The following DYNC2H1 variants were observed in gnomAD, a reference collection of about 807,000 sequenced individuals.
The protein encoded by DYNC2H1 is dynein cytoplasmic 2 heavy chain 1, also known as cytoplasmic dynein 2 heavy chain 1.
Under a neutral mutation model 570.0 loss-of-function variants are expected in DYNC2H1, and 410 were observed. That is an observed-to-expected ratio of 0.72 (90% CI 0.66 to 0.78). The LOEUF (loss-of-function observed/expected upper bound fraction) is 0.78. DYNC2H1 is among the 30% of genes least tolerant of loss of function. DYNC2H1 has a pLI of 0.00. For missense variants in DYNC2H1, 4,865 were observed against 5,046.4 expected, an observed-to-expected ratio of 0.96 and a Z score of 1.09; for synonymous variants, 1,688 against 1,677.6, an observed-to-expected ratio of 1.01 and a Z score of -0.15.
rs1864563697 is a variant in DYNC2H1 at position 103,245,126 on chromosome 11, T to C, written c.9919-125T>C. ...ATTAATACTTGGGTGAGTAATTTAT[T>C]ACCTATAGAATCTGAAATTGTGTTT... is the stretch of plus-strand genomic sequence containing the variant. On this transcript the variant is annotated intron_variant, in intron 64 of 88. Coordinates refer to ENST00000375735, the MANE Select transcript of DYNC2H1 (RefSeq NM_001377.3). The surrounding 1 kb of genome is among the most constrained non-coding windows in gnomAD (Gnocchi z 4.5). 6.4e-6 allele frequency: 5 copies of C among 781,904 alleles called. No individual in the cohort carries two copies. Among genetic ancestry groups the C allele is most frequent in the Non-Finnish European group, 9.5e-6 (5 of 525,052 alleles). 48.4% of individuals were successfully genotyped at this position (781,904 alleles called of 1,614,324 possible). A position where few individuals can be genotyped will look rare whatever the true frequency, so the allele number is the denominator to read the frequency against.
intron 83 of DYNC2H1, among the ~76,000 whole-genome samples, chr11:103,387,045 T>C (rs1941914879): frequency 6.6e-6 from 1 of 152,132 alleles, no homozygotes; most frequent in Non-Finnish European, 1.5e-5. Context: ...CAAATGGTAT[T>C]TCTAGTTCTA....
chr11:103,113,844 T>C, intron 2 of DYNC2H1, 137 bp downstream of exon 2: 2 of 881,372 alleles, frequency 2.3e-6, no homozygotes, highest in Non-Finnish European at 3.1e-6. Context: ...TAACTTTTTT[T>C]AACTTAAATT....
chr11:103,425,874 T>C (rs1260987354), intron 84 of DYNC2H1, among the ~76,000 whole-genome samples: 1 of 151,990 alleles, frequency 6.6e-6, no homozygotes, highest in Non-Finnish European at 1.5e-5. Context: ...AATTTCATTA[T>C]ATACATAATT....
chr11:103,206,646 T>C (rs1359855171), intron 52 of DYNC2H1, among the ~76,000 whole-genome samples: 3 of 152,042 alleles, frequency 2.0e-5, no homozygotes, highest in Non-Finnish European at 4.4e-5. Context: ...CATTATATTT[T>C]AAAAACCAAA....
At chr11:103,144,348 T>C (rs1377928767) in intron 18 of DYNC2H1, among the ~76,000 whole-genome samples, 2 of 152,196 alleles carry the variant, frequency 1.3e-5, no homozygotes, top group Non-Finnish European at 2.9e-5. Flanking sequence ...TAAATGTTAG[T>C]TACTTTTAAT....
chr11:103,263,833 C>G (rs1865407530), intron 70 of DYNC2H1, among the ~76,000 whole-genome samples: 2 of 151,974 alleles, frequency 1.3e-5, no homozygotes, highest in African/African-American at 4.8e-5. Context: ...CATTCAAAAG[C>G]TAGCAGAAGA....
chr11:103,143,419 T>G, intron 18 of DYNC2H1, 24 bp downstream of exon 18: 1 of 1,567,214 alleles, frequency 6.4e-7, no homozygotes, highest in Non-Finnish European at 8.6e-7. Context: ...ATGTAGTACT[T>G]ACGTACCATA....
At chr11:103,132,283 C>A (rs975959387) in intron 13 of DYNC2H1, among the ~76,000 whole-genome samples, 2 of 152,116 alleles carry the variant, frequency 1.3e-5, no homozygotes, top group African/African-American at 2.4e-5. Context: ...TTGAGTCCAT[C>A]CAGCCAGTTT....
At chr11:103,155,669 GATATGTTACAC>G (rs1860784021) in intron 25 of DYNC2H1, among the ~76,000 whole-genome samples, 168 bp downstream of exon 25, 1 of 152,062 alleles carries the variant, frequency 6.6e-6, no homozygotes, top group Non-Finnish European at 1.5e-5. Context: ...AAAATTATGT[GATATGTTACAC>G]ATAAAAGCTA....
chr11:103,235,333 C>T (rs1218547753), intron 61 of DYNC2H1, among the ~76,000 whole-genome samples: 1 of 151,642 alleles, frequency 6.6e-6, no homozygotes, highest in Non-Finnish European at 1.5e-5. Flanking sequence ...TTGTTTTGTC[C>T]CTTTGTTCAT....
intron 15 of DYNC2H1, among the ~76,000 whole-genome samples, chr11:103,134,808 T>A (rs1331758389): frequency 6.6e-6 from 1 of 152,100 alleles, no homozygotes; most frequent in Non-Finnish European, 1.5e-5. Flanking sequence ...TTTTTCCTTT[T>A]TGGAGGTAAA....
At chr11:103,143,476 T>C (rs1860075108) in intron 18 of DYNC2H1, 81 bp downstream of exon 18, 2 of 1,373,146 alleles carry the variant, frequency 1.5e-6, no homozygotes, top group Admixed American at 2.9e-5. Context: ...CTTAGTGGCA[T>C]TGAAGTCACA....
At chr11:103,242,717 CACTGGTTTCTA>C (rs1198739926) in intron 63 of DYNC2H1, among the ~76,000 whole-genome samples, 1 of 151,996 alleles carries the variant, frequency 6.6e-6, no homozygotes, top group Non-Finnish European at 1.5e-5. Flanking sequence ...AGGGCATTTT[CACTGGTTTCTA>C]ACTCCCTTTT....
chr11:103,166,712 TA>T (rs1861318967), intron 31 of DYNC2H1, among the ~76,000 whole-genome samples: 1 of 152,160 alleles, frequency 6.6e-6, no homozygotes, highest in Admixed American at 6.5e-5. Context: ...CTTCTATAAG[TA>T]ATACATTACT....
At chr11:103,459,012 CTTA>C (rs1944897848) in intron 87 of DYNC2H1, among the ~76,000 whole-genome samples, 2 of 151,598 alleles carry the variant, frequency 1.3e-5, no homozygotes, top group African/African-American at 4.8e-5. Context: ...ATACAACTAA[CTTA>C]TTAGAAATTC....
Position 103,399,852 on chromosome 11 carries a change from A to G in DYNC2H1, c.12346A>G (p.Ser4116Gly), listed in dbSNP as rs1468693570. The change falls in exon 84 of 89, where the codon AGT becomes GGT. Residue 4116 changes from serine to glycine, a missense_variant. Ser to Gly is a moderately conservative substitution (Grantham distance 56). Coordinates refer to ENST00000375735, the MANE Select transcript of DYNC2H1 (RefSeq NM_001377.3). ...GAGTTCAGAAGTACAAAAATTGGCA[A>G]GTGCTTTATTAAACCAAAAGGTAAG... The part of the protein sequence containing the change: ...LLSSEVQKLA[S>G]ALLNQKCPLA... 1.2e-6 allele frequency: 2 copies of G among 1,613,742 alleles called. No homozygotes were observed. Among genetic ancestry groups the G allele is most frequent in the Non-Finnish European group, 8.5e-7 (1 of 1,179,784 alleles).
chr11:103,237,475 G>A (rs138880634), intron 63 of DYNC2H1, among the ~76,000 whole-genome samples: 5 of 151,918 alleles, frequency 3.3e-5, no homozygotes, highest in African/African-American at 1.2e-4. Flanking sequence ...GTAACTTACC[G>A]GTAGAGAAGT....
rs560687010 is a variant in DYNC2H1, at chr11:103,182,185, G to C, written c.6477+299G>C. On this transcript the variant is annotated intron_variant, in intron 40 of 88. Coordinates refer to ENST00000375735, the MANE Select transcript of DYNC2H1 (RefSeq NM_001377.3). ...AATTTTTACTAGCAAAAACCATCTT[G>C]CTGCCACTTTTTACTGATATGCCAG... 3.3e-5 allele frequency among the ~76,000 whole-genome samples: 5 copies of C among 150,864 alleles called. No homozygotes were observed. The South Asian group carries it at 1.0e-3, about 31-fold the overall frequency.
intron 20 of DYNC2H1, among the ~76,000 whole-genome samples, chr11:103,149,934 TAAG>T (rs1565344221): frequency 6.6e-6 from 1 of 152,124 alleles, no homozygotes; most frequent in Non-Finnish European, 1.5e-5. Flanking sequence ...ATCTGAAAGA[TAAG>T]AAAGAGCCAG....
Sources: allele counts gnomAD v4.1 joint callset (sites outside exome capture counted in the v4.1 genomes callset), GRCh38; gene constraint gnomAD v4.1.1; non-coding constraint Gnocchi (gnomAD v3.1); transcripts MANE v1.5; gene names NCBI Gene and HGNC (gene_info 2026-07-23, HGNC 2026-07-21).